The following BCKDHB variants were observed in gnomAD, a reference collection of about 807,000 sequenced individuals.
The protein encoded by BCKDHB is 2-oxoisovalerate dehydrogenase subunit beta, mitochondrial.
BCKDHB carries 41 observed loss-of-function variants against 48.5 expected under a neutral mutation model. That is an observed-to-expected ratio of 0.85 (90% CI 0.66 to 1.10). BCKDHB has a LOEUF of 1.10. Ranked by LOEUF, BCKDHB falls within the 50% of genes least tolerant of loss-of-function variation. The pLI is 0.00. For missense variants in BCKDHB, 496 were observed against 494.2 expected (o/e 1.00, Z -0.03); for synonymous variants, 201 against 174.8 (o/e 1.15, Z -1.18).
chr6:80,340,674 C>T (rs116097586), intron 9 of BCKDHB, among the ~76,000 whole-genome samples: 2,262 of 152,258 alleles, frequency 0.015, 75 homozygotes, highest in African/African-American at 0.051. Context: ...AAATTCAGGG[C>T]ACATGGTTGC....
At chr6:80,280,583 G>T (rs1201479009) in intron 9 of BCKDHB, among the ~76,000 whole-genome samples, 2 of 152,180 alleles carry the variant, frequency 1.3e-5, no homozygotes, top group Non-Finnish European at 2.9e-5. Flanking sequence ...TATGGGAAAT[G>T]ATTGATATTT....
At chr6:80,338,734 A>G (rs1769730459) in intron 9 of BCKDHB, among the ~76,000 whole-genome samples, 1 of 152,178 alleles carries the variant, frequency 6.6e-6, no homozygotes, top group Non-Finnish European at 1.5e-5. Flanking sequence ...AACTTGTAAA[A>G]TCTAGCAATT....
chr6:80,242,693 A>G (rs983026657), intron 8 of BCKDHB, among the ~76,000 whole-genome samples: 1 of 152,152 alleles, frequency 6.6e-6, no homozygotes, highest in Non-Finnish European at 1.5e-5. Flanking sequence ...GTCTTTATTT[A>G]TTCAAGCCTT....
the BCKDHB span, among the ~76,000 whole-genome samples, chr6:80,412,348 T>A: frequency 6.7e-3 from 1,024 of 152,144 alleles, 6 homozygotes; most frequent in Non-Finnish European, 9.7e-3. Context: ...GGTTTCACCA[T>A]GTTGGCCAGT....
At chr6:80,189,680 A>G (rs1376080615) in intron 6 of BCKDHB, among the ~76,000 whole-genome samples, 1 of 152,220 alleles carries the variant, frequency 6.6e-6, no homozygotes, top group African/African-American at 2.4e-5. Flanking sequence ...GCAGATAGGT[A>G]GAAAACACTA....
At chr6:80,463,602 A>G in the BCKDHB span, among the ~76,000 whole-genome samples, 1 of 151,390 alleles carries the variant, frequency 6.6e-6, no homozygotes, top group Non-Finnish European at 1.5e-5. Flanking sequence ...TTTTTTTTCC[A>G]AAATTTGAAA....
At chr6:80,372,138 G>A in the BCKDHB span, among the ~76,000 whole-genome samples, 1 of 151,906 alleles carries the variant, frequency 6.6e-6, no homozygotes, top group African/African-American at 2.4e-5. Context: ...CCATTTGTTT[G>A]TGTTGTCTAT....
intron 6 of BCKDHB, among the ~76,000 whole-genome samples, chr6:80,176,135 T>C (rs1359758834): frequency 6.6e-6 from 1 of 152,178 alleles, no homozygotes; most frequent in African/African-American, 2.4e-5. Context: ...GAAATTTTTT[T>C]AGATTATATG....
At chr6:80,410,453 T>G in the BCKDHB span, among the ~76,000 whole-genome samples, 4 of 152,166 alleles carry the variant, frequency 2.6e-5, no homozygotes, top group Admixed American at 2.6e-4. Flanking sequence ...AGGAGTATCT[T>G]TGTGGTGTTC....
intron 6 of BCKDHB, among the ~76,000 whole-genome samples, chr6:80,192,615 A>G (rs1467361396): frequency 1.3e-5 from 2 of 152,208 alleles, no homozygotes; most frequent in East Asian, 3.8e-4. Context: ...CAAAGATTGA[A>G]CAAGTTGTGT....
chr6:80,313,445 CT>C (rs1160294801), intron 9 of BCKDHB, among the ~76,000 whole-genome samples: 1 of 152,196 alleles, frequency 6.6e-6, no homozygotes, highest in African/African-American at 2.4e-5. Context: ...ACTGCAACCT[CT>C]GCCTCCTGGG....
At chr6:80,188,352 C>G (rs9448908) in intron 6 of BCKDHB, among the ~76,000 whole-genome samples, 1 of 152,070 alleles carries the variant, frequency 6.6e-6, no homozygotes, top group East Asian at 1.9e-4. Context: ...GGGGATCTAC[C>G]TGAGGGTGGA....
downstream of BCKDHB, among the ~76,000 whole-genome samples, chr6:80,350,389 TG>T (rs1216772960): frequency 1.4e-5 from 2 of 139,210 alleles, no homozygotes; most frequent in African/African-American, 3.0e-5. Context: ...ATAAAAATAG[TG>T]GGTTTTTTTT....
chr6:80,426,510 A>G, the BCKDHB span, among the ~76,000 whole-genome samples: 3 of 152,086 alleles, frequency 2.0e-5, no homozygotes, highest in Admixed American at 2.0e-4. Context: ...ATAAATGTTA[A>G]TATTATGTAT....
intron 8 of BCKDHB, among the ~76,000 whole-genome samples, chr6:80,262,385 T>C (rs1777343882): frequency 1.3e-5 from 2 of 152,090 alleles, no homozygotes; most frequent in African/African-American, 4.8e-5. Context: ...CGCACACACA[T>C]ATGACTATTT....
intron 3 of BCKDHB, among the ~76,000 whole-genome samples, chr6:80,163,298 C>T (rs1385674712): frequency 2.9e-5 from 4 of 138,714 alleles, no homozygotes; most frequent in Non-Finnish European, 6.1e-5. Flanking sequence ...CACTTGAAGT[C>T]ACTGCAATTA....
chr6:80,157,459 A>ATTTTTT (rs36063034), intron 3 of BCKDHB, among the ~76,000 whole-genome samples: 9 of 96,738 alleles, frequency 9.3e-5, no homozygotes, highest in Admixed American at 1.4e-4. Context: ...TTGGGTGAGA[A>ATTTTTT]TTTTTTTTTT....
chr6:80,240,254 C>T (rs993564204), intron 8 of BCKDHB, among the ~76,000 whole-genome samples: 9 of 152,072 alleles, frequency 5.9e-5, no homozygotes, highest in East Asian at 5.8e-4. Context: ...GCCATTTTCA[C>T]GATATTGATT....
chr6:80,233,775 A>C (rs1055644760), intron 8 of BCKDHB, among the ~76,000 whole-genome samples: 3 of 152,202 alleles, frequency 2.0e-5, no homozygotes, highest in African/African-American at 7.2e-5. Context: ...TTTTATTCAG[A>C]GACTTCTAAA....
Sources: allele counts gnomAD v4.1 joint callset (sites outside exome capture counted in the v4.1 genomes callset), GRCh38; gene constraint gnomAD v4.1.1; transcripts MANE v1.5; gene names NCBI Gene and HGNC (gene_info 2026-07-23, HGNC 2026-07-21).